The following NEBL variants were observed in gnomAD, a reference collection of about 807,000 sequenced individuals.
The protein encoded by NEBL is LIM and SH3 protein 2.
In NEBL, 122 loss-of-function variants were observed where a neutral mutation model predicts 140.2. The observed-to-expected ratio is 0.87, with a 90% CI of 0.75 to 1.01. The LOEUF (loss-of-function observed/expected upper bound fraction) is 1.01. Ranked by LOEUF, NEBL falls within the 50% of genes least tolerant of loss-of-function variation. NEBL has a pLI of 0.00. For synonymous variants in NEBL, 436 were observed against 398.9 expected, an observed-to-expected ratio of 1.09 and a Z score of -1.11; for missense variants, 1,365 against 1,231.3, an observed-to-expected ratio of 1.11 and a Z score of -1.62.
At chr10:21,027,114 G>T (rs1486928866) in intron 2 of NEBL, among the ~76,000 whole-genome samples, 1 of 151,994 alleles carries the variant, frequency 6.6e-6, no homozygotes, top group African/African-American at 2.4e-5. Flanking sequence ...ATTTTGCTCT[G>T]TGTCTTTTCA....
intron 2 of NEBL, among the ~76,000 whole-genome samples, chr10:21,042,434 T>C (rs941023537): frequency 6.6e-5 from 10 of 152,228 alleles, no homozygotes; most frequent in African/African-American, 2.4e-4. Flanking sequence ...TATTAAAAAT[T>C]AAATTGTATC....
At chr10:21,288,853 AATT>A (rs1416477868) in intron 1 of NEBL, among the ~76,000 whole-genome samples, 298 of 35,220 alleles carry the variant, frequency 8.5e-3, no homozygotes, top group African/African-American at 0.027. Context: ...TATATATAAA[AATT>A]TTTTTTTTTT....
intron 1 of NEBL, among the ~76,000 whole-genome samples, chr10:21,257,060 C>T (rs553944860): frequency 6.6e-6 from 1 of 152,278 alleles, no homozygotes; most frequent in African/African-American, 2.4e-5. Context: ...GAAAATAGGG[C>T]TTTTGCTTCA....
chr10:20,888,209 T>C lies in NEBL; in HGVS notation c.259-2A>G, dbSNP rs904604682. The C allele has an allele frequency of 3.2e-6, 5 of 1,540,116 alleles. 1 individual carries two copies. The South Asian group carries it at 4.6e-5, about 14-fold the overall frequency. On this transcript the variant is annotated splice_acceptor_variant, in intron 3 of 27. Transcript: ENST00000377122. LOFTEE classifies it high-confidence loss of function. Reference sequence around the variant, plus strand: ...TTTAATGGTGCCTTTGTATTTTGCCTGGGGGAAAAAAAAACAGGAAAAAAA... The same window carrying C: ...TTTAATGGTGCCTTTGTATTTTGCCCGGGGGAAAAAAAAACAGGAAAAAAA...
At chr10:21,120,041 A>G (rs1838461608) in intron 2 of NEBL, among the ~76,000 whole-genome samples, 1 of 152,036 alleles carries the variant, frequency 6.6e-6, no homozygotes, top group Non-Finnish European at 1.5e-5. Context: ...CAATGGGTAA[A>G]TGATGTCAAT....
intron 3 of NEBL, among the ~76,000 whole-genome samples, chr10:20,967,545 T>C (rs1030485535): frequency 6.6e-6 from 1 of 152,098 alleles, no homozygotes; most frequent in Non-Finnish European, 1.5e-5. Context: ...GGAGAATCAC[T>C]TGAACCTGGG....
intron 19 of NEBL, among the ~76,000 whole-genome samples, chr10:20,821,654 T>A (rs1021788963): frequency 2.0e-5 from 3 of 152,226 alleles, no homozygotes; most frequent in African/African-American, 7.2e-5. Flanking sequence ...AACAATTTAA[T>A]CACGAAGTCA....
intron 4 of NEBL, among the ~76,000 whole-genome samples, chr10:20,911,195 A>G (rs996263679): frequency 3.9e-5 from 6 of 152,152 alleles, no homozygotes; most frequent in African/African-American, 1.4e-4. Flanking sequence ...AAGAGTAAGC[A>G]AAGAGTAAGC....
chr10:21,016,463 G>A (rs1243208198), intron 3 of NEBL, among the ~76,000 whole-genome samples: 2 of 152,108 alleles, frequency 1.3e-5, no homozygotes, highest in African/African-American at 2.4e-5. Flanking sequence ...AAAAAGAAAA[G>A]AGAAAATTTT....
chr10:20,810,655 G>A (rs76638898), intron 24 of NEBL, among the ~76,000 whole-genome samples: 2,888 of 152,234 alleles, frequency 0.019, 49 homozygotes, highest in Non-Finnish European at 0.029. Flanking sequence ...AATAACTTCT[G>A]AATTCACCAG....
intron 26 of NEBL, among the ~76,000 whole-genome samples, chr10:20,791,567 T>A (rs188749020): frequency 1.3e-4 from 20 of 151,892 alleles, no homozygotes; most frequent in Admixed American, 6.6e-5. Context: ...AGCTGATTTT[T>A]TTTTTTCCCT....
chr10:21,005,219 A>G (rs1462303007), intron 3 of NEBL, among the ~76,000 whole-genome samples: 3 of 152,192 alleles, frequency 2.0e-5, no homozygotes, highest in Non-Finnish European at 4.4e-5. Flanking sequence ...AAGGCCTAGT[A>G]TATGACATAA....
At chr10:21,078,316 T>C (rs1836198855) in intron 2 of NEBL, among the ~76,000 whole-genome samples, 1 of 152,236 alleles carries the variant, frequency 6.6e-6, no homozygotes, top group Non-Finnish European at 1.5e-5. Context: ...CAGTAGAATG[T>C]ATTCTTTTTA....
At chr10:20,999,637 ACTGATT>A (rs1037108971) in intron 3 of NEBL, among the ~76,000 whole-genome samples, 9 of 151,880 alleles carry the variant, frequency 5.9e-5, no homozygotes, top group African/African-American at 2.2e-4. Context: ...TACAAACCAA[ACTGATT>A]CTATATCCAG....
intron 3 of NEBL, among the ~76,000 whole-genome samples, chr10:21,243,518 G>T (rs1350593779): frequency 1.3e-5 from 2 of 151,876 alleles, no homozygotes; most frequent in East Asian, 1.9e-4. Context: ...TGTTGGCCAG[G>T]GTGGTCTCAT....
intron 13 of NEBL, among the ~76,000 whole-genome samples, chr10:20,840,023 A>G (rs1032957391): frequency 6.6e-6 from 1 of 152,140 alleles, no homozygotes; most frequent in Admixed American, 6.5e-5. Context: ...ATGAGTGAAG[A>G]CATCTCCTTT....
In NEBL at chr10:21,062,570, C is replaced by T. The variant is rs185254682; in HGVS notation, c.165-42369G>A. 1.1e-4 allele frequency among the ~76,000 whole-genome samples: 16 copies of T among 151,786 alleles called. 1 individual carries two copies. In the East Asian group the frequency reaches 2.9e-3, roughly 28 times the overall value. On this transcript the variant is annotated intron_variant, in intron 2 of 6. Transcript: ENST00000417816. ...GGCATAGTTGTGTGCACCTGTGGTC[C>T]CAGCTACACCAGATGCTGAGACAGG...
At chr10:20,991,788 C>A (rs891038899) in intron 3 of NEBL, among the ~76,000 whole-genome samples, 2 of 104,950 alleles carry the variant, frequency 1.9e-5, no homozygotes, top group African/African-American at 7.4e-5. Context: ...TTTTTGGAAT[C>A]CCCAGTGTTT....
At chr10:21,182,379 G>A (rs1310942617) in intron 3 of NEBL, among the ~76,000 whole-genome samples, 2 of 152,256 alleles carry the variant, frequency 1.3e-5, no homozygotes, top group Non-Finnish European at 2.9e-5. Flanking sequence ...AGGAGGCTAC[G>A]GAAGGAGGAT....
Sources: allele counts gnomAD v4.1 joint callset (sites outside exome capture counted in the v4.1 genomes callset), GRCh38; gene constraint gnomAD v4.1.1; transcripts MANE v1.5; gene names NCBI Gene and HGNC (gene_info 2026-07-23, HGNC 2026-07-21).